LIMCH1: variants seen among roughly 807,000 people sequenced by gnomAD.
The protein encoded by LIMCH1 is LIM and calponin homology domains-containing protein 1.
LIMCH1 carries 113 observed loss-of-function variants against 176.5 expected under a neutral mutation model. That is an observed-to-expected ratio of 0.64 (90% CI 0.55 to 0.75). LIMCH1 has a LOEUF of 0.75. Ranked by LOEUF, LIMCH1 falls within the 30% of genes least tolerant of loss-of-function variation. The pLI, the probability that LIMCH1 is intolerant of heterozygous loss-of-function variation, is 0.00. For missense variants in LIMCH1, 1,674 were observed against 1,814.9 expected (o/e 0.92, Z 1.41); for synonymous variants, 619 against 645.9 (o/e 0.96, Z 0.63).
intron 13 of LIMCH1, among the ~76,000 whole-genome samples, chr4:41,638,097 G>A (rs2093666042): frequency 1.8e-5 from 2 of 113,498 alleles, no homozygotes; most frequent in African/African-American, 8.4e-5. Context: ...TGGGAGCTGT[G>A]TTGTTTTGTT....
intron 1 of LIMCH1, among the ~76,000 whole-genome samples, chr4:41,367,568 C>T (rs931728667): frequency 4.0e-5 from 6 of 149,128 alleles, no homozygotes; most frequent in Non-Finnish European, 7.4e-5. Flanking sequence ...CGGCTAGGTG[C>T]GGTGGCTCAC....
intron 1 of LIMCH1, among the ~76,000 whole-genome samples, chr4:41,460,476 A>ATATATATATATATCTATCTATC (rs965621988): frequency 7.0e-6 from 1 of 142,662 alleles, no homozygotes; most frequent in African/African-American, 2.7e-5. Context: ...ATATATATAT[A>ATATATATATATATCTATCTATC]TATCTTATAA....
chr4:41,650,520 T>A lies in LIMCH1; in HGVS notation c.2948T>A (p.Val983Glu). 6.2e-7 allele frequency: 1 copy of A among 1,613,914 alleles called. No individual in the cohort carries two copies. The highest frequency in any genetic ancestry group is 8.5e-7 in the Non-Finnish European group (1 of 1,179,980). ...CAGATGTTTGAAGGTGTGGCCAGAGTGCACGGGTCTCCACTGGAGCTGAAA... is the reference window on the plus strand; with the variant it reads ...CAGATGTTTGAAGGTGTGGCCAGAGAGCACGGGTCTCCACTGGAGCTGAAA... ...KSQMFEGVAR[V>E]HGSPLELKQD... The change falls in exon 18 of 32, where the codon GTG becomes GAG. Residue 983 changes from valine to glutamate, a missense_variant. Transcript: ENST00000503057.
At chr4:41,564,968 C>T (rs928874878) in intron 1 of LIMCH1, among the ~76,000 whole-genome samples, 1 of 152,172 alleles carries the variant, frequency 6.6e-6, no homozygotes, top group Non-Finnish European at 1.5e-5. Flanking sequence ...GAGGCCTCCC[C>T]AGACAGCCCT....
At chr4:41,429,721 C>T (rs2061427164) in intron 1 of LIMCH1, among the ~76,000 whole-genome samples, 1 of 152,188 alleles carries the variant, frequency 6.6e-6, no homozygotes, top group Non-Finnish European at 1.5e-5. Flanking sequence ...GATGATGCTG[C>T]AGTAACAAAT....
chr4:41,444,348 A>C (rs1438608530), intron 1 of LIMCH1, among the ~76,000 whole-genome samples: 2 of 150,422 alleles, frequency 1.3e-5, no homozygotes, highest in African/African-American at 5.0e-5. Context: ...ACACACACAC[A>C]CACACATATA....
chr4:41,684,083 A>G (rs1718563611), intron 26 of LIMCH1, among the ~76,000 whole-genome samples: 1 of 152,174 alleles, frequency 6.6e-6, no homozygotes, highest in African/African-American at 2.4e-5. Context: ...CCATGTGGCT[A>G]AATTATTTTT....
At chr4:41,608,778 A>G (rs2091055532) in intron 4 of LIMCH1, among the ~76,000 whole-genome samples, 1 of 152,192 alleles carries the variant, frequency 6.6e-6, no homozygotes, top group South Asian at 2.1e-4. Flanking sequence ...AGCTGAACAA[A>G]GAGGATTTAC....
intron 1 of LIMCH1, among the ~76,000 whole-genome samples, chr4:41,428,004 TAAA>T (rs111990626): frequency 4.1e-5 from 6 of 148,036 alleles, no homozygotes; most frequent in Non-Finnish European, 7.5e-5. Context: ...TATTCAGCAA[TAAA>T]AAAAAAATTC....
intron 1 of LIMCH1, among the ~76,000 whole-genome samples, chr4:41,422,670 G>A (rs2060713567): frequency 6.6e-6 from 1 of 152,158 alleles, no homozygotes; most frequent in South Asian, 2.1e-4. Flanking sequence ...ATCAATTTGG[G>A]ACTAAAAAGC....
intron 29 of LIMCH1, among the ~76,000 whole-genome samples, chr4:41,688,131 T>C (rs532440578): frequency 3.3e-5 from 5 of 152,348 alleles, no homozygotes; most frequent in African/African-American, 7.2e-5. Flanking sequence ...GCCTGTGACA[T>C]TGGTGCCGCT....
At chr4:41,556,494 C>T (rs1324212930) in intron 1 of LIMCH1, among the ~76,000 whole-genome samples, 2 of 151,302 alleles carry the variant, frequency 1.3e-5, no homozygotes, top group Admixed American at 6.6e-5. Flanking sequence ...TGATCATTAA[C>T]TCTGCTATTA....
intron 1 of LIMCH1, among the ~76,000 whole-genome samples, chr4:41,456,355 G>A (rs762497169): frequency 9.2e-5 from 14 of 152,162 alleles, no homozygotes; most frequent in Middle Eastern, 6.8e-3. Flanking sequence ...GGGTGTGTGC[G>A]TGTGCATGTG....
At chr4:41,560,712 C>T (rs199502292) in intron 1 of LIMCH1, among the ~76,000 whole-genome samples, 2 of 152,060 alleles carry the variant, frequency 1.3e-5, no homozygotes, top group East Asian at 3.9e-4. Flanking sequence ...ATAGTGAGAC[C>T]CTGTCTCTAC....
At chr4:41,696,866 T>C (rs1225033336) in intron 31 of LIMCH1, among the ~76,000 whole-genome samples, 3 of 152,138 alleles carry the variant, frequency 2.0e-5, no homozygotes, top group Non-Finnish European at 2.9e-5. Context: ...ATGCTTTGGT[T>C]TAGGGGCAAT....
intron 1 of LIMCH1, among the ~76,000 whole-genome samples, chr4:41,388,646 G>GGT (rs1554023871): frequency 7.8e-6 from 1 of 127,636 alleles, no homozygotes; most frequent in African/African-American, 3.6e-5. Flanking sequence ...CATCCATTAA[G>GGT]CTTTTTTGTT....
intron 1 of LIMCH1, among the ~76,000 whole-genome samples, chr4:41,582,524 T>C (rs568599258): frequency 1.1e-4 from 16 of 152,318 alleles, no homozygotes; most frequent in Non-Finnish European, 1.9e-4. Flanking sequence ...AGTGTAGTGG[T>C]AAGGGGTAGG....
At position 41,391,424 on chromosome 4, in the gene LIMCH1, A is replaced by G. The variant is rs77002785; in HGVS notation, c.96+30488A>G. Among the ~76,000 whole-genome samples, 6 of 152,338 alleles carry G rather than the reference A, an allele frequency of 3.9e-5. No individual in the cohort carries two copies. In the East Asian group the frequency reaches 1.2e-3, roughly 29 times the overall value. ...AAATTAGGTTCTAACGTCAGCACAT[A>G]GAACAAACATTGTGTGTAGTTAAAA... On this transcript the variant is annotated intron_variant, in intron 1 of 26. Coordinates refer to the LIMCH1 transcript ENST00000313860.
intron 3 of LIMCH1, among the ~76,000 whole-genome samples, chr4:41,528,720 T>C (rs1317706498): frequency 6.6e-6 from 1 of 152,168 alleles, no homozygotes; most frequent in Non-Finnish European, 1.5e-5. Context: ...TGTGTCTTAA[T>C]GGGCTAGTGT....
Sources: gnomAD v4.1 joint callset for allele counts (sites outside exome capture counted in the v4.1 genomes callset) on GRCh38, gnomAD v4.1.1 for gene constraint, MANE v1.5 for transcripts, NCBI Gene and HGNC (gene_info 2026-07-23, HGNC 2026-07-21) for gene names.